Variants in KLK7 observed in about 807,000 individuals in gnomAD.
KLK7 encodes the protein kallikrein-7.
KLK7 carries 17 observed loss-of-function variants against 21.0 expected under a neutral mutation model. The ratio of observed to expected loss-of-function variants is 0.81; its 90% confidence interval spans 0.55 to 1.21. The LOEUF is 1.21. Among genes scored for constraint, KLK7 ranks in the 50% most tolerant of loss-of-function variants. The pLI is 0.00. For synonymous variants in KLK7, 151 were observed against 134.6 expected, an observed-to-expected ratio of 1.12 and a Z score of -0.85; for missense variants, 330 against 322.8, an observed-to-expected ratio of 1.02 and a Z score of -0.17.
chr19:50,980,419 T>A lies in KLK7; in HGVS notation c.290A>T (p.Lys97Met). 1 of 1,613,986 alleles carries A rather than the reference T, an allele frequency of 6.2e-7. No individual in the cohort carries two copies. The highest frequency in any genetic ancestry group is 8.5e-7 in the Non-Finnish European group (1 of 1,179,948). Reference sequence around the variant, plus strand: ...GGAGTAGCCGGGGTGGCGGAATGACTTCGAGGCCTTGATCCTCTGAGCTCT... The same window carrying A: ...GGAGTAGCCGGGGTGGCGGAATGACATCGAGGCCTTGATCCTCTGAGCTCT... Reference protein sequence around the residue: ...DRRAQRIKASKSFRHPGYSTQ... With the variant: ...DRRAQRIKASMSFRHPGYSTQ... The change falls in exon 4 of 6, where the codon AAG becomes ATG. Residue 97 changes from lysine to methionine, a missense_variant. Lys to Met is a moderately conservative substitution (Grantham distance 95). Coordinates refer to ENST00000595820, the MANE Select transcript of KLK7 (RefSeq NM_005046.4).
intron 5 of KLK7, among the ~76,000 whole-genome samples, chr19:50,978,713 CAG>C (rs2091054586): frequency 7.5e-6 from 1 of 133,032 alleles, no homozygotes. Context: ...GAAAGAAAGA[CAG>C]AGATGGGGGA....
chr19:50,982,847 T>C (rs1172746661), intron 1 of KLK7, among the ~76,000 whole-genome samples: 16 of 52,740 alleles, frequency 3.0e-4, no homozygotes, highest in African/African-American at 1.1e-3. Flanking sequence ...GGAGTCCAGG[T>C]CCAAGTCCCT....
At position 50,981,889 on chromosome 19, in the gene KLK7, G is replaced by A. The variant is rs377619320; in HGVS notation, c.99C>T (p.Gly33=). 1.8e-5 allele frequency: 29 copies of A among 1,612,526 alleles called. No individual in the cohort carries two copies. The highest frequency in any genetic ancestry group is 1.6e-4 in the Middle Eastern group (1 of 6,078). Residue 33 remains glycine (G), a synonymous_variant, in exon 3 of 6, where the codon GGC becomes GGT. Coordinates refer to ENST00000595820, the MANE Select transcript of KLK7 (RefSeq NM_005046.4). The part of the protein sequence containing the change: ...EEAQGDKIID[G]APCARGSHPW... ...GGTGGGAGCCTCTTGCACATGGGGC[G>A]CCATCAATAATCTTGTCACCCTGGG...
At chr19:50,983,069 A>G in intron 1 of KLK7, among the ~76,000 whole-genome samples, 1 of 55,368 alleles carries the variant, frequency 1.8e-5, no homozygotes, top group Non-Finnish European at 3.8e-5. Flanking sequence ...TCCAGGCCCC[A>G]GCCCCTCCTC....
chr19:50,977,474 C>T lies in KLK7; in HGVS notation c.*62G>A, dbSNP rs996334352. ...AGTCAAATTTGACTTCATAGGTCATCGGCGTCCTCACTCCTGTGCATTTTC... is the reference window on the plus strand; with the variant it reads ...AGTCAAATTTGACTTCATAGGTCATTGGCGTCCTCACTCCTGTGCATTTTC... On this transcript the variant is annotated 3_prime_UTR_variant, in exon 6 of 6. Coordinates refer to ENST00000595820, the MANE Select transcript of KLK7 (RefSeq NM_005046.4). 5.1e-5 allele frequency: 77 copies of T among 1,518,364 alleles called. No homozygotes were observed. The highest frequency in any genetic ancestry group is 1.4e-4 in the Admixed American group (8 of 59,066). The allele number at this position is 1,518,364 out of a possible 1,614,324, so 94.1% of individuals were successfully genotyped here.
In KLK7 at chr19:50,981,802, C is replaced by T; in HGVS notation, c.186G>A (p.Glu62=). 1 of 1,593,300 alleles carries T rather than the reference C, an allele frequency of 6.3e-7. No homozygotes were observed. Among genetic ancestry groups the T allele is most frequent in the African/African-American group, 1.3e-5 (1 of 74,946 alleles). The change falls in exon 3 of 6, where the codon GAG becomes GAA. Residue 62 remains glutamate, a synonymous_variant. Transcript: ENST00000595820. The part of the protein sequence containing the change: ...QLHCGGVLVN[E]RWVLTAAHCK... Reference sequence around the variant, plus strand: ...AGTGGGCGGCAGTGAGCACCCAGCGCTCATTGACCAGGACGCCTCCGCAGT... The same window carrying T: ...AGTGGGCGGCAGTGAGCACCCAGCGTTCATTGACCAGGACGCCTCCGCAGT...
At chr19:50,979,506 A>G (rs1722558) in intron 5 of KLK7, among the ~76,000 whole-genome samples, 84,281 of 152,054 alleles carry the variant, frequency 0.55, 24,448 homozygotes, top group Admixed American at 0.65. Flanking sequence ...TGCCCCCTTA[A>G]GGTTTGGGCC....
At position 50,976,615 on chromosome 19, in the gene KLK7, AT is replaced by A. The variant is rs2091040910; in HGVS notation, c.*920del. 1.3e-5 allele frequency: 2 copies of A among 152,176 alleles called. No individual in the cohort carries two copies. The highest frequency in any genetic ancestry group is 4.1e-4 in the South Asian group (2 of 4,836). 9.4% of individuals were successfully genotyped at this position (152,176 alleles called of 1,614,324 possible). A position where few individuals can be genotyped will look rare whatever the true frequency, so the allele number is the denominator to read the frequency against. On this transcript the variant is annotated 3_prime_UTR_variant, in exon 6 of 6. Transcript: ENST00000595820. ...TGTTTTCAGATCTGATTCTGTGAAT[AT>A]TTCATTTTTTATGGGTAGGGTCACA...
rs1198865568 is a variant in KLK7 at position 50,980,458 on chromosome 19, G to GT, written c.250dup (p.Thr84AsnfsTer28). ...CCTCTGAGCTCTCCTGTCGCCCAGCGTATCACTGCCCAGGTGCACGGTGTA... is the reference window on the plus strand; with the variant it reads ...CCTCTGAGCTCTCCTGTCGCCCAGCGTTATCACTGCCCAGGTGCACGGTGTA... On this transcript the variant is annotated frameshift_variant, in exon 4 of 6. Coordinates refer to ENST00000595820, the MANE Select transcript of KLK7 (RefSeq NM_005046.4). LOFTEE classifies it high-confidence loss of function. The GT allele has an allele frequency of 1.9e-6, 3 of 1,613,944 alleles. No individual in the cohort carries two copies. The highest frequency in any genetic ancestry group is 2.5e-6 in the Non-Finnish European group (3 of 1,179,936).
Position 50,980,424 on chromosome 19 carries a change from G to C in KLK7, c.285C>G (p.Ala95=). 1 of 1,614,018 alleles carries C rather than the reference G, an allele frequency of 6.2e-7. No individual in the cohort carries two copies. The part of the protein sequence containing the change: ...LGDRRAQRIK[A]SKSFRHPGYS... ...AGCCGGGGTGGCGGAATGACTTCGA[G>C]GCCTTGATCCTCTGAGCTCTCCTGT... The change falls in exon 4 of 6, where the codon GCC becomes GCG. Residue 95 remains alanine, a synonymous_variant. Transcript: ENST00000595820.
At chr19:50,981,192 G>A (rs111212213) in intron 3 of KLK7, among the ~76,000 whole-genome samples, 22 of 127,984 alleles carry the variant, frequency 1.7e-4, no homozygotes, top group African/African-American at 6.7e-4. Context: ...GAGGGACAGA[G>A]ACCAGAGAGA....
intron 5 of KLK7, 59 bp downstream of exon 5, chr19:50,979,729 C>T (rs2091061640): frequency 6.5e-7 from 1 of 1,529,912 alleles, no homozygotes; most frequent in East Asian, 2.4e-5. Context: ...AAGCTCTGTC[C>T]CTGGGGCATG....
intron 1 of KLK7, among the ~76,000 whole-genome samples, chr19:50,982,673 C>G (rs2091099499): frequency 6.6e-6 from 1 of 150,580 alleles, no homozygotes; most frequent in South Asian, 2.1e-4. Flanking sequence ...TCTGGCCTCT[C>G]CTTCCTTACA....
At chr19:50,977,739 C>T in intron 5 of KLK7, 48 bp from the exon 6 acceptor site, 1 of 1,577,300 alleles carries the variant, frequency 6.3e-7, no homozygotes, top group Non-Finnish European at 8.7e-7. Context: ...GATCAAAGCC[C>T]AACTCATTCT....
At chr19:50,980,629 CAG>C in intron 3 of KLK7, 142 bp from the exon 4 acceptor site, 1 of 926,034 alleles carries the variant, frequency 1.1e-6, no homozygotes, top group South Asian at 1.6e-5. Flanking sequence ...GACAGAGACC[CAG>C]AGAGAGGGGA....
At chr19:50,977,776 G>C in intron 5 of KLK7, 85 bp from the exon 6 acceptor site, 1 of 1,398,722 alleles carries the variant, frequency 7.1e-7, no homozygotes, top group South Asian at 1.3e-5. Context: ...ATCGGTCTTT[G>C]TCTTGCAGAT....
chr19:50,980,718 C>CCA (rs2091073531), intron 3 of KLK7, among the ~76,000 whole-genome samples: 5 of 75,168 alleles, frequency 6.7e-5, no homozygotes, highest in East Asian at 4.0e-4. Flanking sequence ...GGACAGAGAC[C>CCA]CAGAGAGAGG....
At chr19:50,977,755 A>G in intron 5 of KLK7, 64 bp from the exon 6 acceptor site, 1 of 1,518,762 alleles carries the variant, frequency 6.6e-7, no homozygotes, top group Middle Eastern at 2.3e-4. Flanking sequence ...ATTCTCATAC[A>G]TTCCTCAGTT....
rs114848168 is a variant in KLK7, at chr19:50,980,418, C to A, written c.291G>T (p.Lys97Asn). 2.5e-6 allele frequency: 4 copies of A among 1,613,990 alleles called. No individual in the cohort carries two copies. The highest frequency in any genetic ancestry group is 3.4e-6 in the Non-Finnish European group (4 of 1,179,964). The change falls in exon 4 of 6, where the codon AAG (lysine) becomes AAT (asparagine). Residue 97 changes from lysine to asparagine, a missense_variant. Coordinates refer to ENST00000595820, the MANE Select transcript of KLK7 (RefSeq NM_005046.4). ...TGGAGTAGCCGGGGTGGCGGAATGA[C>A]TTCGAGGCCTTGATCCTCTGAGCTC... ...DRRAQRIKAS[K>N]SFRHPGYSTQ... is the part of the protein sequence containing the mutation.
Sources: gnomAD v4.1 joint callset for allele counts (sites outside exome capture counted in the v4.1 genomes callset) on GRCh38, gnomAD v4.1.1 for gene constraint, MANE v1.5 for transcripts, NCBI Gene and HGNC (gene_info 2026-07-23, HGNC 2026-07-21) for gene names.